The following CEP192 variants were observed in gnomAD, a reference collection of about 807,000 sequenced individuals.
CEP192 encodes centrosomal protein 192, also known as centrosomal protein of 192 kDa.
A neutral mutation model predicts 271.8 loss-of-function variants in CEP192; 151 were observed. The ratio of observed to expected loss-of-function variants is 0.56; its 90% CI spans 0.49 to 0.64. The LOEUF is 0.64. Among genes scored for constraint, CEP192 ranks in the 30% least tolerant of loss-of-function variants. CEP192 has a pLI of 0.00. For missense variants in CEP192, 2,910 were observed against 3,020.5 expected (o/e 0.96, Z 0.86); for synonymous variants, 995 against 1,076.5 (o/e 0.92, Z 1.48).
At chr18:13,092,014 T>C (rs183923144) in intron 33 of CEP192, among the ~76,000 whole-genome samples, 2 of 152,248 alleles carry the variant, frequency 1.3e-5, no homozygotes, top group African/African-American at 4.8e-5. Flanking sequence ...TTCATATAAA[T>C]GTTTGTTGCC....
At chr18:13,108,264 C>T (rs546798839) in intron 40 of CEP192, among the ~76,000 whole-genome samples, 1 of 152,190 alleles carries the variant, frequency 6.6e-6, no homozygotes, top group African/African-American at 2.4e-5. Context: ...ACTAAATTCT[C>T]CAAAGCAATT....
At chr18:13,026,220 A>C (rs2035292312) in intron 9 of CEP192, among the ~76,000 whole-genome samples, 1 of 152,204 alleles carries the variant, frequency 6.6e-6, no homozygotes, top group African/African-American at 2.4e-5. Flanking sequence ...AGGAGAAGCC[A>C]AATGTCGCTC....
intron 11 of CEP192, 85 bp downstream of exon 11, chr18:13,030,693 A>G (rs938455784): frequency 7.6e-5 from 80 of 1,053,540 alleles, no homozygotes; most frequent in Non-Finnish European, 1.0e-4. Context: ...GGTCAGCCAC[A>G]TCAGATCCCT....
chr18:13,071,178 C>CGA lies in CEP192; in HGVS notation c.5314_5315insGA (p.Leu1772ArgfsTer9), dbSNP rs1251831457. On this transcript the variant is annotated frameshift_variant, in exon 28 of 45. Coordinates refer to ENST00000506447, the MANE Select transcript of CEP192 (RefSeq NM_032142.4). LOFTEE classifies it high-confidence loss of function. ...ATCGATTTTGTCCAACAAACAATTT[C>CGA]TGGCTTGGGGAGGAGTCCCTCTAGG... The CGA allele has an allele frequency of 6.2e-7, 1 of 1,614,152 alleles. No individual in the cohort carries two copies. Among genetic ancestry groups the CGA allele is most frequent in the Non-Finnish European group, 8.5e-7 (1 of 1,179,996 alleles).
intron 40 of CEP192, among the ~76,000 whole-genome samples, chr18:13,108,268 A>G (rs2040048577): frequency 6.6e-6 from 1 of 152,218 alleles, no homozygotes; most frequent in Non-Finnish European, 1.5e-5. Flanking sequence ...AATTCTCCAA[A>G]GCAATTGTAA....
At chr18:13,098,029 C>G in intron 36 of CEP192, among the ~76,000 whole-genome samples, 1 of 152,116 alleles carries the variant, frequency 6.6e-6, no homozygotes, top group East Asian at 1.9e-4. Flanking sequence ...AATGAAAAGT[C>G]TCCCATGTCT....
At chr18:13,061,189 G>T (rs1211700407) in intron 21 of CEP192, among the ~76,000 whole-genome samples, 1 of 152,148 alleles carries the variant, frequency 6.6e-6, no homozygotes, top group Non-Finnish European at 1.5e-5. Context: ...CAGGTGTGGT[G>T]GCGGGCGCCT....
At chr18:13,117,285 C>G (rs1010940687) in intron 43 of CEP192, among the ~76,000 whole-genome samples, 3 of 152,008 alleles carry the variant, frequency 2.0e-5, no homozygotes, top group African/African-American at 7.3e-5. Flanking sequence ...AGTTTATAAC[C>G]CTTTACTTGA....
intron 17 of CEP192, among the ~76,000 whole-genome samples, chr18:13,052,049 C>A (rs1038997582): frequency 6.6e-6 from 1 of 152,204 alleles, no homozygotes; most frequent in Non-Finnish European, 1.5e-5. Flanking sequence ...CCCCTGTGCT[C>A]TTTTGCACTG....
chr18:13,058,979 T>G lies in CEP192; in HGVS notation c.4258-103T>G, dbSNP rs758589052. ...TTGAAGAGATAATAAATGTTTTAATTTGGCAGTTTGAGTGATTGGGAAAAG... is the reference window on the plus strand; with the variant it reads ...TTGAAGAGATAATAAATGTTTTAATGTGGCAGTTTGAGTGATTGGGAAAAG... On this transcript the variant is annotated intron_variant, in intron 20 of 44. Transcript: ENST00000506447. The G allele has an allele frequency of 3.2e-4, 236 of 744,108 alleles. 2 individuals carry two copies. The highest frequency in any genetic ancestry group is 1.6e-4 in the Admixed American group (7 of 44,576). 46.1% of individuals were successfully genotyped at this position (744,108 alleles called of 1,614,324 possible).
At chr18:13,061,719 C>T (rs1340434680) in intron 21 of CEP192, among the ~76,000 whole-genome samples, 1 of 152,194 alleles carries the variant, frequency 6.6e-6, no homozygotes, top group African/African-American at 2.4e-5. Context: ...TTAGCATTAA[C>T]ACTACTGCCA....
chr18:13,003,727 G>C (rs2033804418), intron 3 of CEP192, among the ~76,000 whole-genome samples: 1 of 152,114 alleles, frequency 6.6e-6, no homozygotes, highest in South Asian at 2.1e-4. Flanking sequence ...TTGAGCCCAG[G>C]AGATCCAGGC....
intron 32 of CEP192, chr18:13,088,977 A>C: frequency 2.5e-6 from 1 of 395,832 alleles, no homozygotes; most frequent in South Asian, 1.9e-5. Context: ...CTTTGCCATA[A>C]AATTAACAGT....
At chr18:13,015,582 A>AAT in intron 6 of CEP192, 134 bp downstream of exon 6, 1 of 720,460 alleles carries the variant, frequency 1.4e-6, no homozygotes, top group Non-Finnish European at 2.4e-6. Flanking sequence ...CCAGCACTCA[A>AAT]ATGGCCACTT....
At chr18:13,107,364 TC>T (rs2040003079) in intron 40 of CEP192, among the ~76,000 whole-genome samples, 1 of 152,138 alleles carries the variant, frequency 6.6e-6, no homozygotes, top group Non-Finnish European at 1.5e-5. Context: ...ATAAGCAAAT[TC>T]CTGTATTCAG....
At chr18:13,017,049 G>C (rs1215066687) in intron 6 of CEP192, 139 bp from the exon 7 acceptor site, 2 of 609,956 alleles carry the variant, frequency 3.3e-6, no homozygotes, top group African/African-American at 3.7e-5. Flanking sequence ...AGTTACAATA[G>C]TTTTCTCATG....
At position 13,090,901 on chromosome 18, in the gene CEP192, G is replaced by A. The variant is rs145563600; in HGVS notation, c.6103+1336G>A. Among the ~76,000 whole-genome samples the A allele has an allele frequency of 4.5e-3, 684 of 152,282 alleles. 6 individuals carry two copies. Among genetic ancestry groups the A allele is most frequent in the African/African-American group, 0.016 (660 of 41,552 alleles). The stretch of plus-strand genomic sequence containing the variant: ...AACCAGAGTTTGCAGTGGTTCAGAA[G>A]CTGGCATTGCCCCACCATATAGCAA... On this transcript the variant is annotated intron_variant, in intron 33 of 44. Transcript: ENST00000506447.
At chr18:13,113,198 C>CT (rs2040284161) in intron 40 of CEP192, among the ~76,000 whole-genome samples, 2 of 152,018 alleles carry the variant, frequency 1.3e-5, no homozygotes, top group Admixed American at 1.3e-4. Context: ...CTGTGAGGCC[C>CT]TTGTCCTGGT....
chr18:13,095,477 T>G lies in CEP192; in HGVS notation c.6255-26T>G, dbSNP rs151018962. The G allele has an allele frequency of 1.8e-3, 2,799 of 1,573,812 alleles. 43 individuals are homozygous for G. The African/African-American group carries it at 0.034, about 19-fold the overall frequency. On this transcript the variant is annotated intron_variant, in intron 34 of 44. Coordinates refer to ENST00000506447, the MANE Select transcript of CEP192 (RefSeq NM_032142.4). The stretch of plus-strand genomic sequence containing the variant: ...CTCAGTCTCTTTCTTCATGTCTAAC[T>G]TTTTCATTTTTAAATAATTTTTTAG...
Sources: allele counts gnomAD v4.1 joint callset (sites outside exome capture counted in the v4.1 genomes callset), GRCh38; gene constraint gnomAD v4.1.1; transcripts MANE v1.5; gene names NCBI Gene and HGNC (gene_info 2026-07-23, HGNC 2026-07-21).